DIAPH2: variants seen among roughly 807,000 people sequenced by gnomAD.
DIAPH2 encodes diaphanous related formin 2, also known as protein diaphanous homolog 2.
Under a neutral mutation model 92.7 loss-of-function variants are expected in DIAPH2, and 35 were observed. That is an observed-to-expected ratio of 0.38 (90% CI 0.29 to 0.50). The LOEUF (loss-of-function observed/expected upper bound fraction) is 0.50. DIAPH2 is among the 20% of genes least tolerant of loss of function. DIAPH2 has a pLI of 0.94. For missense variants in DIAPH2, 701 were observed against 819.5 expected (o/e 0.86, Z 1.77); for synonymous variants, 301 against 280.4 (o/e 1.07, Z -0.73).
chrX:97,589,012 T>TATATATATATATATAC, intron 26 of DIAPH2, among the ~76,000 whole-genome samples: 1 of 74,970 alleles, frequency 1.3e-5, no homozygotes, highest in East Asian at 4.8e-4. Flanking sequence ...TATATATATA[T>TATATATATATATATAC]ATATATATAT....
intron 26 of DIAPH2, among the ~76,000 whole-genome samples, chrX:97,558,788 C>A (rs775585194): frequency 1.1e-4 from 12 of 111,594 alleles, no homozygotes; most frequent in Non-Finnish European, 2.1e-4. Context: ...TGAAAACAGG[C>A]TACTTCAAAC....
chrX:97,566,499 C>G lies in DIAPH2; in HGVS notation c.3242-32754C>G, dbSNP rs140701049. Among the ~76,000 whole-genome samples the G allele has an allele frequency of 4.5e-5, 5 of 111,824 alleles. No homozygotes were observed. The East Asian group carries it at 1.4e-3, about 31-fold the overall frequency. ...GTGGAAAGCATTTGCAGAGAGAAAG[C>G]TGTGAGTTGCAGCCCTTGTCCTCAA... On this transcript the variant is annotated intron_variant, in intron 26 of 26. Transcript: ENST00000324765.
intron 24 of DIAPH2, among the ~76,000 whole-genome samples, chrX:97,366,011 T>TG (rs1316706319): frequency 8.9e-6 from 1 of 111,990 alleles, no homozygotes; most frequent in East Asian, 2.8e-4. Context: ...ATTGTTAATG[T>TG]GGCTTTTGTA....
At chrX:97,570,127 AAGAT>A (rs56210210) in intron 26 of DIAPH2, among the ~76,000 whole-genome samples, 370 of 27,314 alleles carry the variant, frequency 0.014, 5 homozygotes, top group Middle Eastern at 0.062. Flanking sequence ...TATATATTAG[AAGAT>A]AGATAGATAG....
intron 26 of DIAPH2, among the ~76,000 whole-genome samples, chrX:97,516,469 C>T (rs1051082055): frequency 9.0e-6 from 1 of 111,261 alleles, no homozygotes; most frequent in African/African-American, 3.3e-5. Flanking sequence ...TTTCATATAT[C>T]CTAGAATTTT....
At chrX:97,593,685 T>A (rs1602689259) in intron 26 of DIAPH2, among the ~76,000 whole-genome samples, 1 of 110,801 alleles carries the variant, frequency 9.0e-6, no homozygotes, top group East Asian at 2.8e-4. Context: ...TAAATAACAA[T>A]CAACAAGCAA....
At chrX:97,535,957 A>G (rs756352447) in intron 26 of DIAPH2, among the ~76,000 whole-genome samples, 3 of 112,184 alleles carry the variant, frequency 2.7e-5, no homozygotes, top group Non-Finnish European at 5.6e-5. Flanking sequence ...TATACAAACA[A>G]CAGAGAATAG....
chrX:97,267,305 T>A (rs2068345483), intron 23 of DIAPH2, among the ~76,000 whole-genome samples: 1 of 111,389 alleles, frequency 9.0e-6, no homozygotes, highest in Non-Finnish European at 1.9e-5. Context: ...TAGATATTGC[T>A]GTAAATGTTG....
At chrX:97,553,241 T>C (rs1270300906) in intron 26 of DIAPH2, among the ~76,000 whole-genome samples, 2 of 105,433 alleles carry the variant, frequency 1.9e-5, no homozygotes, top group African/African-American at 6.8e-5. Flanking sequence ...GTGCCAAGGA[T>C]GTGAAATGAA....
intron 26 of DIAPH2, among the ~76,000 whole-genome samples, chrX:97,497,298 A>G (rs1372866266): frequency 9.0e-6 from 1 of 111,093 alleles, no homozygotes; most frequent in Non-Finnish European, 1.9e-5. Flanking sequence ...AATAAAAAGT[A>G]AAGATAAAAT....
intron 25 of DIAPH2, among the ~76,000 whole-genome samples, chrX:97,405,157 G>GA (rs1205120300): frequency 9.0e-6 from 1 of 111,608 alleles, no homozygotes; most frequent in South Asian, 3.7e-4. Flanking sequence ...CTTGCTGAGG[G>GA]AAAAAATGAG....
chrX:97,276,427 G>A (rs2051755086), intron 23 of DIAPH2, among the ~76,000 whole-genome samples: 1 of 111,826 alleles, frequency 8.9e-6, no homozygotes, highest in South Asian at 3.8e-4. Flanking sequence ...TCACCGCAGT[G>A]AGTTCCTTAC....
chrX:96,722,394 T>C (rs911770281), intron 1 of DIAPH2, among the ~76,000 whole-genome samples: 15 of 110,611 alleles, frequency 1.4e-4, no homozygotes, highest in Non-Finnish European at 2.3e-4. Context: ...CATTCATTCG[T>C]TCCCTCCTTC....
At chrX:97,485,871 C>T (rs1417476619) in intron 26 of DIAPH2, among the ~76,000 whole-genome samples, 1 of 110,773 alleles carries the variant, frequency 9.0e-6, no homozygotes, top group African/African-American at 3.3e-5. Flanking sequence ...TACAGATTGC[C>T]ACTTTTGTCC....
intron 17 of DIAPH2, among the ~76,000 whole-genome samples, chrX:96,973,688 C>CTTTTTTTTTTTTTTT (rs1169211955): frequency 2.1e-5 from 1 of 46,703 alleles, no homozygotes; most frequent in African/African-American, 9.2e-5. Flanking sequence ...TGAATATTTG[C>CTTTTTTTTTTTTTTT]TTTTTTTTTT....
At chrX:97,450,240 C>T (rs1397811881) in intron 26 of DIAPH2, among the ~76,000 whole-genome samples, 1 of 111,339 alleles carries the variant, frequency 9.0e-6, no homozygotes, top group Admixed American at 9.6e-5. Context: ...GCATGGGTAT[C>T]AAGAGGTAAA....
At chrX:97,249,927 G>A (rs894021630) in intron 23 of DIAPH2, among the ~76,000 whole-genome samples, 24 of 110,303 alleles carry the variant, frequency 2.2e-4, no homozygotes, top group East Asian at 2.9e-4. Flanking sequence ...GAGAAACCCC[G>A]TCTCTACTAA....
chrX:97,526,305 G>A (rs908308957), intron 26 of DIAPH2, among the ~76,000 whole-genome samples: 4 of 111,228 alleles, frequency 3.6e-5, no homozygotes, highest in Admixed American at 9.6e-5. Context: ...TTGTGACACC[G>A]AACATGAGGT....
chrX:97,357,105 A>G (rs1440645138), intron 24 of DIAPH2, among the ~76,000 whole-genome samples: 1 of 111,784 alleles, frequency 8.9e-6, no homozygotes, highest in Non-Finnish European at 1.9e-5. Context: ...AGTGTTCCCT[A>G]TAAATAAGTT....
Sources: gnomAD v4.1 joint callset for allele counts (sites outside exome capture counted in the v4.1 genomes callset) on GRCh38, gnomAD v4.1.1 for gene constraint, MANE v1.5 for transcripts, NCBI Gene and HGNC (gene_info 2026-07-23, HGNC 2026-07-21) for gene names.